ANK3: variants seen among roughly 807,000 people sequenced by gnomAD.
ANK3 encodes the protein ankyrin-3.
ANK3 carries 57 observed loss-of-function variants against 370.9 expected under a neutral mutation model. The observed-to-expected ratio is 0.15, with a 90% CI of 0.12 to 0.19. The LOEUF (loss-of-function observed/expected upper bound fraction) is 0.19, where lower values mean the gene tolerates loss of function less well. ANK3 is among the 10% of genes least tolerant of loss of function. The pLI is 1.00. For missense variants in ANK3, 4,439 were observed against 5,302.1 expected (o/e 0.84, Z 5.06); for synonymous variants, 1,929 against 1,946.3 (o/e 0.99, Z 0.23).
At chr10:60,474,323 G>A (rs1284549402) in intron 2 of ANK3, among the ~76,000 whole-genome samples, 3 of 152,040 alleles carry the variant, frequency 2.0e-5, no homozygotes, top group Admixed American at 1.3e-4. Flanking sequence ...GTGCTTCCAC[G>A]CACAGGCAAA....
At chr10:60,624,596 G>T (rs1202987505) in intron 1 of ANK3, among the ~76,000 whole-genome samples, 1 of 152,170 alleles carries the variant, frequency 6.6e-6, no homozygotes, top group East Asian at 1.9e-4. Flanking sequence ...TAAACCTGAG[G>T]GTCGCCTTAG....
intron 12 of ANK3, among the ~76,000 whole-genome samples, chr10:60,202,203 C>G (rs1420577272): frequency 6.6e-6 from 1 of 152,044 alleles, no homozygotes; most frequent in Non-Finnish European, 1.5e-5. Flanking sequence ...CTCACCGCAA[C>G]CTCCGCCTCC....
chr10:60,300,009 C>T (rs950194352), intron 1 of ANK3, among the ~76,000 whole-genome samples: 2 of 152,158 alleles, frequency 1.3e-5, no homozygotes, highest in South Asian at 4.2e-4. Flanking sequence ...CTTGGATTTA[C>T]CAGGCTTTTC....
chr10:60,533,648 T>C (rs999853543), intron 2 of ANK3, among the ~76,000 whole-genome samples: 1 of 152,118 alleles, frequency 6.6e-6, no homozygotes, highest in African/African-American at 2.4e-5. Context: ...TTGTAATGCA[T>C]GTTCATTTTG....
chr10:60,650,063 A>G (rs1245308203), intron 1 of ANK3, among the ~76,000 whole-genome samples: 1 of 152,210 alleles, frequency 6.6e-6, no homozygotes, highest in Non-Finnish European at 1.5e-5. Context: ...GACAGAAAGC[A>G]TAAGCAAAAA....
chr10:60,113,669 C>G (rs1342820684), intron 26 of ANK3, among the ~76,000 whole-genome samples: 1 of 152,130 alleles, frequency 6.6e-6, no homozygotes, highest in East Asian at 1.9e-4. Flanking sequence ...AAGACTGCAC[C>G]ACTGCACTCC....
At chr10:60,490,154 A>T (rs1293097166) in intron 2 of ANK3, among the ~76,000 whole-genome samples, 12 of 152,176 alleles carry the variant, frequency 7.9e-5, no homozygotes, top group Non-Finnish European at 1.8e-4. Flanking sequence ...CAGTTCCATC[A>T]CCTTAGATGA....
chr10:60,586,320 T>A (rs950958607), intron 2 of ANK3, among the ~76,000 whole-genome samples: 4 of 152,300 alleles, frequency 2.6e-5, no homozygotes, highest in Admixed American at 2.6e-4. Flanking sequence ...TCGAGAAATT[T>A]CTTTCAATGT....
chr10:60,605,421 A>G (rs1156685274), intron 2 of ANK3, among the ~76,000 whole-genome samples: 2 of 152,136 alleles, frequency 1.3e-5, no homozygotes, highest in Non-Finnish European at 2.9e-5. Context: ...ACAAAATCCC[A>G]TCTCTACAAA....
intron 25 of ANK3, among the ~76,000 whole-genome samples, chr10:60,123,863 G>A (rs1198438123): frequency 6.6e-6 from 1 of 152,122 alleles, no homozygotes; most frequent in African/African-American, 2.4e-5. Flanking sequence ...TTCACTCTAC[G>A]GCCACAACTT....
chr10:60,386,105 T>G lies in ANK3; in HGVS notation c.114+3320A>C, dbSNP rs561679828. 4.0e-5 allele frequency among the ~76,000 whole-genome samples: 6 copies of G among 151,792 alleles called. No homozygotes were observed. In the South Asian group the frequency reaches 8.3e-4, roughly 21 times the overall value. On this transcript the variant is annotated intron_variant, in intron 1 of 43. Transcript: ENST00000280772. ...AACCACTGCTCATGGACCAGGGCCC[T>G]GCTGGGAGCAGGGGATATAAACAGC... is the stretch of plus-strand genomic sequence containing the variant.
At chr10:60,316,510 A>G (rs2047445048) in intron 1 of ANK3, among the ~76,000 whole-genome samples, 1 of 152,146 alleles carries the variant, frequency 6.6e-6, no homozygotes, top group Non-Finnish European at 1.5e-5. Context: ...TTTATTTGAC[A>G]AGGTTTCTAC....
chr10:60,584,354 C>T (rs1595318246), intron 2 of ANK3, among the ~76,000 whole-genome samples: 1 of 152,126 alleles, frequency 6.6e-6, no homozygotes, highest in East Asian at 1.9e-4. Flanking sequence ...TGTAATGGCT[C>T]ATGCCTGTAA....
At chr10:60,065,604 C>T (rs896955780) in intron 38 of ANK3, among the ~76,000 whole-genome samples, 2 of 152,126 alleles carry the variant, frequency 1.3e-5, no homozygotes, top group African/African-American at 4.8e-5. Context: ...AAACAATCTG[C>T]ATGTTGAACA....
At chr10:60,589,335 T>C (rs567873403) in intron 2 of ANK3, among the ~76,000 whole-genome samples, 66 of 152,322 alleles carry the variant, frequency 4.3e-4, no homozygotes, top group African/African-American at 1.6e-3. Context: ...ATAAAAAGTT[T>C]AGGCAAAATA....
In ANK3 at chr10:60,086,901, G is replaced by T; in HGVS notation, c.3541-17C>A. On this transcript the variant is annotated splice_polypyrimidine_tract_variant and intron_variant, in intron 29 of 43. Transcript: ENST00000280772. ...AGGCTGGGCCTAGAGACAGAGAAAGGACTTTAAATGAAAGTGACTTTTTTT... is the reference window on the plus strand; with the variant it reads ...AGGCTGGGCCTAGAGACAGAGAAAGTACTTTAAATGAAAGTGACTTTTTTT... The T allele has an allele frequency of 6.7e-7, 1 of 1,483,776 alleles. No individual in the cohort carries two copies. Among genetic ancestry groups the T allele is most frequent in the Non-Finnish European group, 9.0e-7 (1 of 1,112,746 alleles). The allele number at this position is 1,483,776 out of a possible 1,614,324, so 91.9% of individuals were successfully genotyped here.
intron 8 of ANK3, among the ~76,000 whole-genome samples, chr10:60,222,849 T>A (rs1380327548): frequency 1.3e-5 from 2 of 152,186 alleles, no homozygotes; most frequent in African/African-American, 4.8e-5. Flanking sequence ...CTTACTATCT[T>A]AGAGCAGAGC....
At chr10:60,538,734 T>C (rs891674387) in intron 2 of ANK3, among the ~76,000 whole-genome samples, 1 of 151,862 alleles carries the variant, frequency 6.6e-6, no homozygotes, top group African/African-American at 2.4e-5. Context: ...AAGGCAGGGG[T>C]TATCTTCTCC....
intron 4 of ANK3, among the ~76,000 whole-genome samples, chr10:60,273,663 C>T (rs2098037214): frequency 6.6e-6 from 1 of 152,188 alleles, no homozygotes; most frequent in South Asian, 2.1e-4. Context: ...TGTGTCCCCA[C>T]CCAAATCTCA....
Sources: allele counts gnomAD v4.1 joint callset (sites outside exome capture counted in the v4.1 genomes callset), GRCh38; gene constraint gnomAD v4.1.1; transcripts MANE v1.5; gene names NCBI Gene and HGNC (gene_info 2026-07-23, HGNC 2026-07-21).